Variants in SRD5A2 observed in about 807,000 individuals in gnomAD.
SRD5A2 encodes 3-oxo-5-alpha-steroid 4-dehydrogenase 2.
A neutral mutation model predicts 27.4 loss-of-function variants in SRD5A2; 30 were observed. That is an observed-to-expected ratio of 1.10 (90% confidence interval 0.82 to 1.49). The LOEUF is 1.49. Ranked by LOEUF, SRD5A2 falls within the 40% of genes most tolerant of loss-of-function variation. The probability of loss-of-function intolerance (pLI) is 0.00; values close to 1 mark genes in which losing one functional copy is unlikely to be tolerated. For missense variants in SRD5A2, 348 were observed against 323.4 expected, an observed-to-expected ratio of 1.08 and a Z score of -0.58; for synonymous variants, 141 against 133.6, an observed-to-expected ratio of 1.06 and a Z score of -0.38.
rs17546042 is a variant in SRD5A2, at chr2:31,561,473, C to A, written c.281+19147G>T. ...TATCTGGTTTTAACTATCTAATGGT[C>A]CTAATCTGGCAGATCCATTTAAATC... On this transcript the variant is annotated intron_variant, in intron 1 of 4. Transcript: ENST00000622030. 9.9e-3 allele frequency among the ~76,000 whole-genome samples: 1,503 copies of A among 152,244 alleles called. 16 individuals carry two copies. Among genetic ancestry groups the A allele is most frequent in the Middle Eastern group, 0.051 (15 of 294 alleles).
At chr2:31,589,432 C>A in the SRD5A2 span, among the ~76,000 whole-genome samples, 16 of 152,258 alleles carry the variant, frequency 1.1e-4, no homozygotes, top group East Asian at 2.9e-3. Flanking sequence ...AAGGTGTGCT[C>A]TCCCAGGTCC....
the SRD5A2 span, among the ~76,000 whole-genome samples, chr2:31,618,032 A>G: frequency 1.3e-5 from 2 of 152,222 alleles, no homozygotes; most frequent in African/African-American, 4.8e-5. Flanking sequence ...TGGGTACTCT[A>G]TAAAGGAAAG....
intron 1 of SRD5A2, 146 bp downstream of exon 1, chr2:31,580,474 T>TGCGCCAGGC: frequency 9.5e-7 from 1 of 1,047,910 alleles, no homozygotes; most frequent in Non-Finnish European, 1.3e-6. Context: ...CCCCGCCAGG[T>TGCGCCAGGC]GCGCCAGGCA....
In SRD5A2 at chr2:31,580,593, T is replaced by C. The variant is rs947621822; in HGVS notation, c.281+27A>G. On this transcript the variant is annotated intron_variant, in intron 1 of 4. Transcript: ENST00000622030. ...CCGGGAGCAGGGCAGTGCGCTGCAC[T>C]GGGCGCCCGCAAGGGAAAAACGCTA... The C allele has an allele frequency of 4.7e-6, 7 of 1,502,890 alleles. No homozygotes were observed. The African/African-American group carries it at 6.9e-5, about 15-fold the overall frequency. 93.1% of individuals were successfully genotyped at this position (1,502,890 alleles called of 1,614,324 possible).
intron 1 of SRD5A2, among the ~76,000 whole-genome samples, chr2:31,551,333 A>G (rs1388305968): frequency 6.6e-6 from 1 of 152,140 alleles, no homozygotes; most frequent in African/African-American, 2.4e-5. Context: ...AATATAGACA[A>G]GATAATTCTA....
chr2:31,610,239 A>G, the SRD5A2 span, among the ~76,000 whole-genome samples: 1 of 152,190 alleles, frequency 6.6e-6, no homozygotes, highest in Non-Finnish European at 1.5e-5. Context: ...ACAGGCCAAT[A>G]TACTGATGAA....
chr2:31,616,340 G>A, the SRD5A2 span, among the ~76,000 whole-genome samples: 2 of 152,170 alleles, frequency 1.3e-5, no homozygotes, highest in African/African-American at 4.8e-5. Context: ...CCAAATGGTA[G>A]ATCTACTGAC....
intron 4 of SRD5A2, 84 bp from the exon 5 acceptor site, chr2:31,526,346 A>G: frequency 1.2e-6 from 1 of 867,532 alleles, no homozygotes; most frequent in Non-Finnish European, 1.9e-6. Context: ...TCTTTGTTAC[A>G]AGTCAACCTA....
chr2:31,593,800 A>G, the SRD5A2 span, among the ~76,000 whole-genome samples: 3 of 152,328 alleles, frequency 2.0e-5, no homozygotes, highest in East Asian at 5.8e-4. Flanking sequence ...AGGCAAAATC[A>G]TCAAGTAGTC....
chr2:31,607,503 G>GGA, the SRD5A2 span, among the ~76,000 whole-genome samples: 1 of 150,470 alleles, frequency 6.6e-6, no homozygotes, highest in African/African-American at 2.4e-5. Context: ...TTAAAATACT[G>GGA]GAAAAAAAAA....
At chr2:31,658,713 T>C in the SRD5A2 span, among the ~76,000 whole-genome samples, 1 of 151,940 alleles carries the variant, frequency 6.6e-6, no homozygotes, top group Non-Finnish European at 1.5e-5. Context: ...GCTCTGAAAT[T>C]GAATCAGTAA....
In SRD5A2 at chr2:31,573,216, T is replaced by G. The variant is rs142037538; in HGVS notation, c.281+7404A>C. Among the ~76,000 whole-genome samples the G allele has an allele frequency of 5.4e-3, 817 of 152,252 alleles. 11 individuals carry two copies. Among genetic ancestry groups the G allele is most frequent in the Admixed American group, 0.031 (478 of 15,286 alleles). On this transcript the variant is annotated intron_variant, in intron 1 of 4. Transcript: ENST00000622030. ...AATAGCACTAATAACAGGGATTGCC[T>G]CAAGGACAAAATGAGATAGCCAATG...
rs779697327 is a variant in SRD5A2, at chr2:31,552,831, A to C, written c.282-19065T>G. On this transcript the variant is annotated intron_variant, in intron 1 of 4. Coordinates refer to ENST00000622030, the MANE Select transcript of SRD5A2 (RefSeq NM_000348.4). ...ACTGGGAGAGATGGCTGTTTTTTCA[A>C]ATGTGCAGACACCAAGGCAAAGCTA... 3.9e-5 allele frequency among the ~76,000 whole-genome samples: 6 copies of C among 152,302 alleles called. No homozygotes were observed. In the East Asian group the frequency reaches 1.2e-3, roughly 29 times the overall value.
the SRD5A2 span, among the ~76,000 whole-genome samples, chr2:31,635,965 A>G: frequency 2.2e-4 from 34 of 152,160 alleles, no homozygotes; most frequent in African/African-American, 7.9e-4. Context: ...CAAAGTTTGA[A>G]GTCAAGTAGT....
the SRD5A2 span, among the ~76,000 whole-genome samples, chr2:31,629,316 G>A: frequency 2.4e-4 from 36 of 152,258 alleles, no homozygotes; most frequent in Middle Eastern, 0.01. Flanking sequence ...GAGGCTTGCC[G>A]CCATCTTGGA....
At chr2:31,602,577 C>T in the SRD5A2 span, among the ~76,000 whole-genome samples, 3 of 151,736 alleles carry the variant, frequency 2.0e-5, no homozygotes, top group African/African-American at 7.3e-5. Flanking sequence ...CATATGGAAC[C>T]AAAAAAGAGC....
At chr2:31,610,362 A>T in the SRD5A2 span, among the ~76,000 whole-genome samples, 1 of 152,200 alleles carries the variant, frequency 6.6e-6, no homozygotes, top group African/African-American at 2.4e-5. Context: ...GGATGAAGAG[A>T]TGCTTCAACA....
At chr2:31,582,981 G>A (rs539061885), upstream of SRD5A2, among the ~76,000 whole-genome samples, 12 of 151,930 alleles carry the variant, frequency 7.9e-5, no homozygotes, top group East Asian at 7.7e-4. Context: ...CTTTTCTTCC[G>A]ACTCTGCCCA....
chr2:31,616,250 G>A, the SRD5A2 span, among the ~76,000 whole-genome samples: 1 of 152,192 alleles, frequency 6.6e-6, no homozygotes, highest in Non-Finnish European at 1.5e-5. Flanking sequence ...AGGGAATGTA[G>A]GGTTGAAGCC....
Sources: gnomAD v4.1 joint callset for allele counts (sites outside exome capture counted in the v4.1 genomes callset) on GRCh38, gnomAD v4.1.1 for gene constraint, MANE v1.5 for transcripts, NCBI Gene and HGNC (gene_info 2026-07-23, HGNC 2026-07-21) for gene names.